Variants in ANK2 observed in about 807,000 individuals in gnomAD.
ANK2 encodes ankyrin 2.
A neutral mutation model predicts 360.5 loss-of-function variants in ANK2; 83 were observed. The ratio of observed to expected loss-of-function variants is 0.23; its 90% confidence interval spans 0.19 to 0.28. The LOEUF is 0.28. ANK2 is among the 10% of genes least tolerant of loss of function. The probability of loss-of-function intolerance (pLI) is 1.00; values close to 1 mark genes in which losing one functional copy is unlikely to be tolerated. For synonymous variants in ANK2, 1,740 were observed against 1,759.5 expected (o/e 0.99, Z 0.28); for missense variants, 4,201 against 4,795.7 (o/e 0.88, Z 3.66).
At chr4:113,332,869 G>T in intron 28 of ANK2, 185 bp from the exon 29 acceptor site, 1 of 710,958 alleles carries the variant, frequency 1.4e-6, no homozygotes, top group Non-Finnish European at 2.4e-6. Flanking sequence ...CCTGAGGATT[G>T]GTGCCCCTGA....
chr4:113,155,360 G>A (rs563718102), intron 1 of ANK2, among the ~76,000 whole-genome samples: 1 of 152,156 alleles, frequency 6.6e-6, no homozygotes, highest in Admixed American at 6.6e-5. Flanking sequence ...CTCATGGCAA[G>A]TGATAGAACC....
intron 2 of ANK2, among the ~76,000 whole-genome samples, chr4:112,915,784 T>A (rs1361216495): frequency 2.0e-5 from 3 of 151,296 alleles, no homozygotes; most frequent in Non-Finnish European, 2.9e-5. Flanking sequence ...AAATAAATAA[T>A]AAATACATTT....
chr4:112,822,154 G>A (rs886561415), intron 1 of ANK2, among the ~76,000 whole-genome samples: 2 of 150,044 alleles, frequency 1.3e-5, no homozygotes, highest in Non-Finnish European at 3.0e-5. Flanking sequence ...TGTAATCTCA[G>A]CACTTTGGGA....
intron 1 of ANK2, among the ~76,000 whole-genome samples, chr4:113,129,573 A>G (rs1034025985): frequency 1.1e-4 from 16 of 152,224 alleles, no homozygotes; most frequent in Admixed American, 5.2e-4. Context: ...CAAGTTTTAC[A>G]TAAATTATTA....
At chr4:112,734,840 G>A in the ANK2 span, among the ~76,000 whole-genome samples, 1 of 152,066 alleles carries the variant, frequency 6.6e-6, no homozygotes, top group Admixed American at 6.6e-5. Flanking sequence ...GTATTTTGTT[G>A]GTGTGTGTAG....
chr4:113,131,438 G>T (rs1279788396), intron 1 of ANK2, among the ~76,000 whole-genome samples: 2 of 152,196 alleles, frequency 1.3e-5, no homozygotes, highest in African/African-American at 2.4e-5. Context: ...GGAATAGGCT[G>T]CATTACTGAA....
chr4:112,724,710 T>G, the ANK2 span, among the ~76,000 whole-genome samples: 2 of 152,086 alleles, frequency 1.3e-5, no homozygotes, highest in Non-Finnish European at 2.9e-5. Flanking sequence ...CTGATGGGAA[T>G]AAATAATCGT....
intron 2 of ANK2, among the ~76,000 whole-genome samples, chr4:113,187,991 T>C (rs1279420439): frequency 1.3e-5 from 2 of 152,194 alleles, no homozygotes; most frequent in Non-Finnish European, 2.9e-5. Context: ...TGTGTGCGTA[T>C]ATACATATGT....
chr4:113,330,231 T>C lies in ANK2; in HGVS notation c.2901-15T>C, dbSNP rs778837197. On this transcript the variant is annotated splice_polypyrimidine_tract_variant and intron_variant, in intron 26 of 45. Coordinates refer to ENST00000357077, the MANE Select transcript of ANK2 (RefSeq NM_001148.6). Reference sequence around the variant, plus strand: ...ATATTTCAAAACATATCTAATCTTCTATTTTAATTTTTAGTTTCCTGGTTA... The same window carrying C: ...ATATTTCAAAACATATCTAATCTTCCATTTTAATTTTTAGTTTCCTGGTTA... The C allele has an allele frequency of 6.2e-7, 1 of 1,610,220 alleles. No homozygotes were observed. The highest frequency in any genetic ancestry group is 8.5e-7 in the Non-Finnish European group (1 of 1,177,486).
At chr4:113,095,359 T>A (rs374961781) in intron 1 of ANK2, among the ~76,000 whole-genome samples, 1 of 152,290 alleles carries the variant, frequency 6.6e-6, no homozygotes, top group African/African-American at 2.4e-5. Flanking sequence ...AGCTTTTAAT[T>A]TGGTTATATA....
chr4:112,918,716 T>TCATTGATTGCCAATCAATCCAAC (rs2090651661), intron 2 of ANK2, among the ~76,000 whole-genome samples: 1 of 152,228 alleles, frequency 6.6e-6, no homozygotes, highest in Admixed American at 6.5e-5. Context: ...ACAGAATGAA[T>TCATTGATTGCCAATCAATCCAAC]AGTTTTGGAT....
In ANK2 at chr4:112,846,266, C is replaced by T. The variant is rs77856555; in HGVS notation, c.-40+28002C>T. On this transcript the variant is annotated intron_variant, in intron 1 of 30. Transcript: ENST00000503271. ...CTGGGACTACAAGCGTCCCACCACA[C>T]CTAGCTAAGTACTTTTTGTACTTTT... Among the ~76,000 whole-genome samples the T allele has an allele frequency of 5.2e-3, 798 of 152,128 alleles. 3 individuals are homozygous for T. Among genetic ancestry groups the T allele is most frequent in the African/African-American group, 0.018 (727 of 41,516 alleles).
chr4:113,348,254 C>T, intron 35 of ANK2, 22 bp from the exon 36 acceptor site: 1 of 1,612,578 alleles, frequency 6.2e-7, no homozygotes, highest in Non-Finnish European at 8.5e-7. Flanking sequence ...TTCCATCTTG[C>T]ATGGCATCTT....
In ANK2 at chr4:113,334,419, C is replaced by G. The variant is rs192555601; in HGVS notation, c.3379+1211C>G. 1.4e-3 allele frequency among the ~76,000 whole-genome samples: 215 copies of G among 152,252 alleles called. 1 individual carries two copies. Among genetic ancestry groups the G allele is most frequent in the African/African-American group, 4.9e-3 (204 of 41,546 alleles). ...ATTTTCCTCTGAGATATTTACCTAT[C>G]AATGACACTGCCAGTGAGCATTGGT... On this transcript the variant is annotated intron_variant, in intron 29 of 45. Transcript: ENST00000357077.
At chr4:112,771,018 GA>G in the ANK2 span, among the ~76,000 whole-genome samples, 1 of 152,194 alleles carries the variant, frequency 6.6e-6, no homozygotes, top group Non-Finnish European at 1.5e-5. Flanking sequence ...CTGTGGGGCA[GA>G]AAAAAATCTC....
At chr4:113,054,512 A>G (rs1360400723) in intron 1 of ANK2, among the ~76,000 whole-genome samples, 1 of 152,244 alleles carries the variant, frequency 6.6e-6, no homozygotes, top group African/African-American at 2.4e-5. Context: ...ATCAGGTAGT[A>G]GATCCAACAT....
chr4:113,321,490 C>T (rs1282492343), intron 26 of ANK2, among the ~76,000 whole-genome samples: 1 of 152,146 alleles, frequency 6.6e-6, no homozygotes. Flanking sequence ...ATGACTCTAA[C>T]AGAATGAGTT....
chr4:112,764,811 G>T, the ANK2 span, among the ~76,000 whole-genome samples: 2 of 150,796 alleles, frequency 1.3e-5, no homozygotes, highest in Non-Finnish European at 2.9e-5. Context: ...GGGTTCAAGC[G>T]ATTCTCCTGC....
chr4:112,800,605 T>C, the ANK2 span, among the ~76,000 whole-genome samples: 1 of 152,228 alleles, frequency 6.6e-6, no homozygotes, highest in Admixed American at 6.5e-5. Flanking sequence ...CTCAATTTTT[T>C]GTGCTCTGTG....
Sources: allele counts gnomAD v4.1 joint callset (sites outside exome capture counted in the v4.1 genomes callset), GRCh38; gene constraint gnomAD v4.1.1; transcripts MANE v1.5; gene names NCBI Gene and HGNC (gene_info 2026-07-23, HGNC 2026-07-21).